Variants in MGMT observed in about 807,000 individuals in gnomAD.
MGMT encodes O-6-methylguanine-DNA methyltransferase, also known as methylated-DNA--protein-cysteine methyltransferase.
A neutral mutation model predicts 15.9 loss-of-function variants in MGMT; 14 were observed. That is an observed-to-expected ratio of 0.88 (90% CI 0.58 to 1.37). The LOEUF (loss-of-function observed/expected upper bound fraction) is 1.37, where lower values mean the gene tolerates loss of function less well. MGMT is among the 40% of genes most tolerant of loss of function. MGMT has a pLI of 0.00. For synonymous variants in MGMT, 130 were observed against 118.2 expected (o/e 1.10, Z -0.65); for missense variants, 282 against 268.1 (o/e 1.05, Z -0.36).
intron 3 of MGMT, among the ~76,000 whole-genome samples, chr10:129,718,841 G>A (rs1296657504): frequency 6.7e-6 from 1 of 150,344 alleles, no homozygotes; most frequent in South Asian, 2.1e-4. Context: ...CTGTCTAGAG[G>A]CAGTCTGTAT....
chr10:129,562,793 C>T (rs546539059), intron 2 of MGMT, among the ~76,000 whole-genome samples: 11 of 152,246 alleles, frequency 7.2e-5, no homozygotes, highest in East Asian at 5.8e-4. Context: ...AAGTTAACAC[C>T]GATCTCACAA....
At chr10:129,736,449 G>T (rs1442089317) in intron 3 of MGMT, among the ~76,000 whole-genome samples, 14 of 147,584 alleles carry the variant, frequency 9.5e-5, no homozygotes, top group Non-Finnish European at 9.0e-5. Flanking sequence ...TTGAGCCTGT[G>T]TGTGTCTCTG....
intron 2 of MGMT, among the ~76,000 whole-genome samples, chr10:129,653,245 C>T (rs574007444): frequency 1.3e-5 from 2 of 152,376 alleles, no homozygotes; most frequent in East Asian, 3.9e-4. Context: ...CTGGAGTTAA[C>T]TGTCAAATAA....
chr10:129,652,083 C>T (rs974100037), intron 2 of MGMT, among the ~76,000 whole-genome samples: 1 of 151,984 alleles, frequency 6.6e-6, no homozygotes. Context: ...TTTGTGGGAT[C>T]GTGTGTAGGA....
chr10:129,702,631 C>T (rs531777511), intron 2 of MGMT, among the ~76,000 whole-genome samples: 1 of 152,250 alleles, frequency 6.6e-6, no homozygotes, highest in Admixed American at 6.5e-5. Context: ...GGCTGAGGTA[C>T]CAGGTGAGGG....
chr10:129,586,269 C>A (rs1200523112), intron 2 of MGMT, among the ~76,000 whole-genome samples: 1 of 152,020 alleles, frequency 6.6e-6, no homozygotes, highest in Non-Finnish European at 1.5e-5. Context: ...CTATGGATGA[C>A]CCCAATCAAA....
chr10:129,700,604 C>G (rs554990157), intron 2 of MGMT: 1 of 152,144 alleles, frequency 6.6e-6, no homozygotes, highest in Non-Finnish European at 1.5e-5. Flanking sequence ...CACCACTAAC[C>G]GCATGCATTT....
intron 1 of MGMT, among the ~76,000 whole-genome samples, chr10:129,471,468 C>T (rs1044982229): frequency 2.0e-5 from 3 of 151,862 alleles, no homozygotes; most frequent in East Asian, 1.9e-4. Flanking sequence ...GGTGGGCAGC[C>T]GGGGATATCA....
intron 2 of MGMT, among the ~76,000 whole-genome samples, chr10:129,676,772 C>T (rs985330406): frequency 8.7e-5 from 13 of 149,572 alleles, no homozygotes; most frequent in Admixed American, 2.1e-4. Flanking sequence ...CAAGCAGATA[C>T]ATACATTACA....
chr10:129,754,045 C>T (rs1337368186), intron 3 of MGMT, among the ~76,000 whole-genome samples: 1 of 152,154 alleles, frequency 6.6e-6, no homozygotes, highest in Non-Finnish European at 1.5e-5. Flanking sequence ...CTTTTGTGCA[C>T]CACTCACCAG....
intron 2 of MGMT, among the ~76,000 whole-genome samples, chr10:129,693,191 C>T (rs1160213081): frequency 6.6e-6 from 1 of 152,200 alleles, no homozygotes; most frequent in African/African-American, 2.4e-5. Flanking sequence ...CGAATACAAA[C>T]AGGTGGAGGA....
intron 1 of MGMT, among the ~76,000 whole-genome samples, chr10:129,520,703 C>T (rs560519973): frequency 4.8e-5 from 7 of 147,086 alleles, no homozygotes; most frequent in African/African-American, 7.6e-5. Flanking sequence ...AGAACCCCTA[C>T]GGTGAGGGTG....
intron 2 of MGMT, among the ~76,000 whole-genome samples, chr10:129,691,737 T>C (rs560707265): frequency 6.6e-6 from 1 of 152,158 alleles, no homozygotes; most frequent in East Asian, 1.9e-4. Context: ...CAGTGAGGAA[T>C]TCAAACGCAG....
intron 2 of MGMT, chr10:129,701,663 C>T (rs1001405619): frequency 6.6e-6 from 1 of 152,204 alleles, no homozygotes; most frequent in African/African-American, 2.4e-5. Context: ...AACACTCACT[C>T]TTCCTGCTTG....
chr10:129,732,119 C>T (rs1848505029), intron 3 of MGMT, among the ~76,000 whole-genome samples: 2 of 151,802 alleles, frequency 1.3e-5, no homozygotes, highest in Admixed American at 1.3e-4. Flanking sequence ...TAAAATATTA[C>T]TCACATTGCC....
chr10:129,557,727 A>G (rs1164132448), intron 2 of MGMT, among the ~76,000 whole-genome samples: 1 of 152,194 alleles, frequency 6.6e-6, no homozygotes, highest in Admixed American at 6.5e-5. Flanking sequence ...TAATAATGGG[A>G]CATAAGCCTC....
intron 2 of MGMT, among the ~76,000 whole-genome samples, chr10:129,618,512 TAAGTGGATTAATTAG>T: frequency 7.8e-5 from 4 of 51,426 alleles, no homozygotes; most frequent in Non-Finnish European, 6.3e-5. Context: ...CCATGTAGAA[TAAGTGGATTAATTAG>T]TATAGAAAAA....
chr10:129,744,044 G>C (rs1848666854), intron 3 of MGMT, among the ~76,000 whole-genome samples: 1 of 152,218 alleles, frequency 6.6e-6, no homozygotes, highest in Admixed American at 6.5e-5. Flanking sequence ...CATCTGGCTG[G>C]GTAGGAGGAA....
chr10:129,489,642 C>A (rs554873237), intron 1 of MGMT, among the ~76,000 whole-genome samples: 1 of 152,144 alleles, frequency 6.6e-6, no homozygotes, highest in South Asian at 2.1e-4. Context: ...TCCTTAATGT[C>A]TCTCACATTT....
Sources: gnomAD v4.1 joint callset for allele counts (sites outside exome capture counted in the v4.1 genomes callset) on GRCh38, gnomAD v4.1.1 for gene constraint, MANE v1.5 for transcripts, NCBI Gene and HGNC (gene_info 2026-07-23, HGNC 2026-07-21) for gene names.